The following CCDC57 variants were observed in gnomAD, a reference collection of about 807,000 sequenced individuals.
CCDC57 encodes coiled-coil domain containing 57, also known as coiled-coil domain-containing protein 57.
In CCDC57, 118 loss-of-function variants were observed where a neutral mutation model predicts 118.9. That is an observed-to-expected ratio of 0.99 (90% CI 0.86 to 1.16). The LOEUF is 1.16. Among genes scored for constraint, CCDC57 ranks in the 50% most tolerant of loss-of-function variants. The pLI is 0.00. For synonymous variants in CCDC57, 527 were observed against 532.9 expected, an observed-to-expected ratio of 0.99 and a Z score of 0.15; for missense variants, 1,300 against 1,320.7, an observed-to-expected ratio of 0.98 and a Z score of 0.24.
chr17:82,122,020 C>T (rs7219138), intron 19 of CCDC57, among the ~76,000 whole-genome samples: 81,394 of 151,932 alleles, frequency 0.54, 22,639 homozygotes, highest in Non-Finnish European at 0.58. Context: ...AGCACGGCCT[C>T]GGCCCCAGGT....
intron 14 of CCDC57, among the ~76,000 whole-genome samples, chr17:82,158,809 C>G (rs1372619969): frequency 1.3e-5 from 2 of 152,048 alleles, no homozygotes; most frequent in African/African-American, 4.8e-5. Flanking sequence ...CCTTCTGCCT[C>G]AGCCTCCCAA....
intron 19 of CCDC57, chr17:82,107,316 TG>T: frequency 7.2e-6 from 3 of 419,120 alleles, no homozygotes; most frequent in South Asian, 1.7e-5. Flanking sequence ...AGGTTGGGGG[TG>T]GGGGGATGCA....
At chr17:82,112,377 T>G (rs1401202508) in intron 19 of CCDC57, 1 of 152,302 alleles carries the variant, frequency 6.6e-6, no homozygotes, top group Non-Finnish European at 1.5e-5. Context: ...GAGTCTCCAC[T>G]GAATGTCCAC....
chr17:82,209,084 G>T (rs2049992614), intron 1 of CCDC57, among the ~76,000 whole-genome samples: 1 of 151,782 alleles, frequency 6.6e-6, no homozygotes, highest in African/African-American at 2.4e-5. Context: ...GTGACCCCGT[G>T]TTTTTTTTCA....
intron 16 of CCDC57, among the ~76,000 whole-genome samples, chr17:82,134,648 G>C (rs2038898896): frequency 6.6e-6 from 1 of 152,078 alleles, no homozygotes; most frequent in South Asian, 2.1e-4. Context: ...ACAAAAATTA[G>C]CTGGGCGTGG....
At chr17:82,210,547 G>T (rs1229163914) in intron 1 of CCDC57, among the ~76,000 whole-genome samples, 1 of 151,582 alleles carries the variant, frequency 6.6e-6, no homozygotes, top group East Asian at 1.9e-4. Flanking sequence ...GGGCATGGTG[G>T]CAGGCGCTGG....
At chr17:82,131,874 G>A (rs2038416126) in intron 17 of CCDC57, among the ~76,000 whole-genome samples, 1 of 152,044 alleles carries the variant, frequency 6.6e-6, no homozygotes, top group Non-Finnish European at 1.5e-5. Context: ...CCAGCACTTT[G>A]GGAGGCTGAG....
At chr17:82,190,093 T>C (rs2047473946) in intron 7 of CCDC57, among the ~76,000 whole-genome samples, 1 of 80,956 alleles carries the variant, frequency 1.2e-5, no homozygotes, top group Admixed American at 1.4e-4. Flanking sequence ...TATCCCAGTA[T>C]AGAGTGACCT....
intron 16 of CCDC57, among the ~76,000 whole-genome samples, chr17:82,137,203 A>G (rs1340825366): frequency 6.6e-6 from 1 of 151,924 alleles, no homozygotes; most frequent in African/African-American, 2.4e-5. Flanking sequence ...TTTTTAGTAG[A>G]CAAGGGGTTT....
At chr17:82,201,774 A>G (rs1296655045) in exon 3 of CCDC57, 1 of 1,613,792 alleles carries the variant, frequency 6.2e-7, no homozygotes, top group South Asian at 1.1e-5. Flanking sequence ...GGTTGTAGAC[A>G]AAGTCCTCCT....
At chr17:82,125,049 G>A (rs571471671) in intron 19 of CCDC57, among the ~76,000 whole-genome samples, 3 of 152,294 alleles carry the variant, frequency 2.0e-5, no homozygotes, top group East Asian at 1.9e-4. Flanking sequence ...GGAGTGGGAC[G>A]CGGCTGCGTG....
rs867499782 is a variant in CCDC57 at position 82,118,735 on chromosome 17, C to T, written c.2899+8957G>A. 9.5e-4 allele frequency among the ~76,000 whole-genome samples: 144 copies of T among 152,202 alleles called. No homozygotes were observed. Among genetic ancestry groups the T allele is most frequent in the African/African-American group, 3.3e-3 (139 of 41,510 alleles). ...GCACTGGGTGCCACTCAGTCTGCCG[C>T]GCTTTTTATGTACGCTGACTTTTGT... is the stretch of plus-strand genomic sequence containing the variant. On this transcript the variant is annotated intron_variant, in intron 19 of 19. Coordinates refer to ENST00000665763, the Ensembl canonical transcript of CCDC57. The surrounding 1 kb of genome is among the most constrained non-coding windows in gnomAD (Gnocchi z 4.7).
In CCDC57 at chr17:82,179,307, G is replaced by A; in HGVS notation, c.1212-118C>T. On this transcript the variant is annotated intron_variant, in intron 9 of 19. Coordinates refer to ENST00000665763, the Ensembl canonical transcript of CCDC57. ...TGTCCCTCCTGCTCTCGCATGGCCT[G>A]CGCTGGGCTGACATGCTCCCGAGCT... is the stretch of plus-strand genomic sequence containing the variant. 2.7e-6 allele frequency: 3 copies of A among 1,113,370 alleles called. No individual in the cohort carries two copies. The South Asian group carries it at 4.8e-5, about 18-fold the overall frequency. 69.0% of individuals were successfully genotyped at this position (1,113,370 alleles called of 1,614,324 possible).
intron 16 of CCDC57, among the ~76,000 whole-genome samples, chr17:82,145,344 T>C (rs1425565985): frequency 2.1e-5 from 3 of 146,260 alleles, no homozygotes; most frequent in Non-Finnish European, 3.0e-5. Context: ...GTCATGAGTA[T>C]GAGACCAGCC....
At chr17:82,171,679 C>G in intron 13 of CCDC57, 22 bp downstream of exon 12, 1 of 1,602,392 alleles carries the variant, frequency 6.2e-7, no homozygotes, top group Non-Finnish European at 8.5e-7. Flanking sequence ...ACAGCAAGTA[C>G]CCCACTGAGA....
chr17:82,191,323 C>T (rs1161023114), intron 7 of CCDC57, among the ~76,000 whole-genome samples: 1 of 152,120 alleles, frequency 6.6e-6, no homozygotes, highest in Admixed American at 6.6e-5. Context: ...CAGACAGACA[C>T]TCCTGCAGAA....
exon 3 of CCDC57, chr17:82,201,912 A>G: frequency 6.2e-7 from 1 of 1,604,642 alleles, no homozygotes; most frequent in Non-Finnish European, 8.5e-7. Context: ...GCAGCAGCTC[A>G]TTCAGGGCGG....
At chr17:82,193,829 C>A in exon 7 of CCDC57, 1 of 1,592,470 alleles carries the variant, frequency 6.3e-7, no homozygotes, top group Non-Finnish European at 8.6e-7. Context: ...AAATCCTTTA[C>A]CCTGAAAAGA....
Position 82,118,573 on chromosome 17 carries a change from C to T in CCDC57, c.2899+9119G>A, listed in dbSNP as rs1476298986. Among the ~76,000 whole-genome samples the T allele has an allele frequency of 6.6e-6, 1 of 152,058 alleles. No homozygotes were observed. Among genetic ancestry groups the T allele is most frequent in the African/African-American group, 2.4e-5 (1 of 41,404 alleles). On this transcript the variant is annotated intron_variant, in intron 19 of 19. Coordinates refer to ENST00000665763, the Ensembl canonical transcript of CCDC57. This position sits in a 1 kb window ranked among gnomAD's most constrained non-coding sequence, Gnocchi z 4.7. ...AGGACATTTGGGCACTTGATACACA[C>T]CCATAAGGTGCACTCTAGGGAGGTG...
Sources: allele counts gnomAD v4.1 joint callset (sites outside exome capture counted in the v4.1 genomes callset), GRCh38; gene constraint gnomAD v4.1.1; non-coding constraint Gnocchi (gnomAD v3.1); transcripts MANE v1.5; gene names NCBI Gene and HGNC (gene_info 2026-07-23, HGNC 2026-07-21).